Variants in NGF observed in about 807,000 individuals in gnomAD.
NGF encodes beta-nerve growth factor.
Under a neutral mutation model 12.8 loss-of-function variants are expected in NGF, and 4 were observed. The observed-to-expected ratio is 0.31, with a 90% confidence interval of 0.15 to 0.72. NGF has a LOEUF of 0.72. Ranked by LOEUF, NGF falls within the 30% of genes least tolerant of loss-of-function variation. The probability of loss-of-function intolerance (pLI) is 0.69; values close to 1 mark genes in which losing one functional copy is unlikely to be tolerated. For missense variants in NGF, 283 were observed against 330.8 expected (o/e 0.86, Z 1.12); for synonymous variants, 140 against 130.0 (o/e 1.08, Z -0.52).
rs776092330 is a variant in NGF at position 115,286,082 on chromosome 1, C to T, written c.714G>A (p.Val238=). 2 of 1,613,328 alleles carry T rather than the reference C, an allele frequency of 1.2e-6. No homozygotes were observed. Among genetic ancestry groups the T allele is most frequent in the South Asian group, 2.2e-5 (2 of 90,974 alleles). The change falls in exon 3 of 3, where the codon GTG becomes GTA. Residue 238 remains valine, a synonymous_variant. Coordinates refer to ENST00000369512, the MANE Select transcript of NGF (RefSeq NM_002506.3). The part of the protein sequence containing the change: ...ACVCVLSRKA[V]RRA Reference sequence around the variant, plus strand: ...GCGTGTCGGCAGGTCAGGCTCTTCTCACAGCCTTCCTGCTGAGCACACACA... The same window carrying T: ...GCGTGTCGGCAGGTCAGGCTCTTCTTACAGCCTTCCTGCTGAGCACACACA...
intron 1 of NGF, among the ~76,000 whole-genome samples, chr1:115,319,655 C>T (rs759013023): frequency 3.3e-5 from 5 of 152,212 alleles, no homozygotes; most frequent in Admixed American, 6.5e-5. Context: ...AGTATGAACT[C>T]TGACCCCTAC....
rs149054069 is a variant in NGF, at chr1:115,286,641, C to T, written c.155G>A (p.Arg52His). The stretch of plus-strand genomic sequence containing the variant: ...AGCTATCGCCGCTGCCGGGGCGCTG[C>T]GGGCTCTGCGAAGGGCAGTGTCAAG... Reference protein sequence around the residue: ...HSLDTALRRARSAPAAAIAAR... With the variant: ...HSLDTALRRAHSAPAAAIAAR... Residue 52 changes from arginine (R) to histidine (H), a missense_variant, in exon 3 of 3, where the codon CGC becomes CAC. Coordinates refer to ENST00000369512, the MANE Select transcript of NGF (RefSeq NM_002506.3). 12 of 1,614,096 alleles carry T rather than the reference C, an allele frequency of 7.4e-6. No homozygotes were observed. Among genetic ancestry groups the T allele is most frequent in the South Asian group, 4.4e-5 (4 of 91,090 alleles).
chr1:115,290,355 T>C (rs1297160611), intron 2 of NGF, among the ~76,000 whole-genome samples: 1 of 151,874 alleles, frequency 6.6e-6, no homozygotes, highest in Non-Finnish European at 1.5e-5. Context: ...GGGAGCTTTT[T>C]CTAATTCTGA....
At chr1:115,293,130 A>C (rs1653753809) in intron 2 of NGF, among the ~76,000 whole-genome samples, 1 of 152,172 alleles carries the variant, frequency 6.6e-6, no homozygotes, top group South Asian at 2.1e-4. Flanking sequence ...TAACAATGAG[A>C]AACCAGAGAT....
chr1:115,308,168 T>G (rs1654250087), intron 1 of NGF, among the ~76,000 whole-genome samples: 1 of 152,214 alleles, frequency 6.6e-6, no homozygotes, highest in Non-Finnish European at 1.5e-5. Context: ...CATCCATAAA[T>G]CTGGGATGCA....
At chr1:115,321,804 T>C (rs1229594245) in intron 1 of NGF, among the ~76,000 whole-genome samples, 2 of 152,164 alleles carry the variant, frequency 1.3e-5, no homozygotes, top group African/African-American at 4.8e-5. Context: ...GCTAAAGTCT[T>C]CCTTGTAATT....
At chr1:115,301,640 C>T (rs1198510128) in intron 1 of NGF, among the ~76,000 whole-genome samples, 1 of 152,226 alleles carries the variant, frequency 6.6e-6, no homozygotes, top group African/African-American at 2.4e-5. Context: ...CATGCACATG[C>T]TCAGTGGAAC....
At chr1:115,300,377 G>A (rs1007831954) in intron 1 of NGF, among the ~76,000 whole-genome samples, 1 of 152,156 alleles carries the variant, frequency 6.6e-6, no homozygotes, top group Admixed American at 6.5e-5. Context: ...GTAAGGATTC[G>A]AGTAAAATGC....
chr1:115,324,418 C>A (rs917485078), intron 1 of NGF, among the ~76,000 whole-genome samples: 1 of 152,144 alleles, frequency 6.6e-6, no homozygotes, highest in Non-Finnish European at 1.5e-5. Context: ...GATGAGCCAA[C>A]CTAGAGATTT....
At chr1:115,312,805 G>A (rs1319070629) in intron 1 of NGF, among the ~76,000 whole-genome samples, 3 of 152,190 alleles carry the variant, frequency 2.0e-5, no homozygotes, top group Admixed American at 6.5e-5. Flanking sequence ...ATCAAAAGGG[G>A]TTAGTAAAAA....
At position 115,301,086 on chromosome 1, in the gene NGF, C is replaced by T. The variant is rs774859177; in HGVS notation, c.-136-7336G>A. On this transcript the variant is annotated intron_variant, in intron 1 of 2. Transcript: ENST00000369512. ...TCATATAATTATATTTCAGAATATT[C>T]CCAGTCTTTTAGTGTTTCTTCTTTT... 1.3e-4 allele frequency among the ~76,000 whole-genome samples: 20 copies of T among 152,106 alleles called. 1 individual carries two copies. Among genetic ancestry groups the T allele is most frequent in the Non-Finnish European group, 1.5e-5 (1 of 68,016 alleles).
intron 1 of NGF, among the ~76,000 whole-genome samples, chr1:115,325,456 C>T (rs1654747197): frequency 6.6e-6 from 1 of 152,042 alleles, no homozygotes; most frequent in South Asian, 2.1e-4. Context: ...CCCCTGAAGC[C>T]TCCACCACCC....
At chr1:115,307,888 C>T (rs1375846313) in intron 1 of NGF, among the ~76,000 whole-genome samples, 1 of 152,188 alleles carries the variant, frequency 6.6e-6, no homozygotes, top group African/African-American at 2.4e-5. Flanking sequence ...GCCAGACTGT[C>T]TCTTAAAATA....
rs1011646643 is a variant in NGF at position 115,338,246 on chromosome 1, G to C, written c.-179C>G. ...GCTCCCAGCGCTCTCTGCTGTGCCG[G>C]AGCGCCGAGCTGCTCTCACACAGGC... On this transcript the variant is annotated 5_prime_UTR_variant, in exon 1 of 3. Coordinates refer to ENST00000369512, the MANE Select transcript of NGF (RefSeq NM_002506.3). 6.6e-6 allele frequency: 1 copy of C among 152,316 alleles called. No individual in the cohort carries two copies. The allele number at this position is 152,316 out of a possible 1,614,324, so 9.4% of individuals were successfully genotyped here. A position where few individuals can be genotyped will look rare whatever the true frequency, so the allele number is the denominator to read the frequency against.
chr1:115,329,732 T>TTTTC (rs1452479333), intron 1 of NGF, among the ~76,000 whole-genome samples: 64 of 150,126 alleles, frequency 4.3e-4, no homozygotes, highest in Non-Finnish European at 4.9e-4. Context: ...TTGTTTTCTT[T>TTTTC]TTTCTTTCTT....
rs551830538 is a variant in NGF, at chr1:115,322,219, G to C, written c.-137+15985C>G. Among the ~76,000 whole-genome samples the C allele has an allele frequency of 5.9e-5, 9 of 152,300 alleles. No homozygotes were observed. The South Asian group carries it at 1.9e-3, about 32-fold the overall frequency. On this transcript the variant is annotated intron_variant, in intron 1 of 2. Coordinates refer to ENST00000369512, the MANE Select transcript of NGF (RefSeq NM_002506.3). ...CTTTCTGGCAGGGCCCATGGCAAAA[G>C]CTAAGTCTGGGCGCCTTGCTCTTTG...
At chr1:115,300,097 G>C (rs1653990154) in intron 1 of NGF, among the ~76,000 whole-genome samples, 1 of 152,218 alleles carries the variant, frequency 6.6e-6, no homozygotes, top group African/African-American at 2.4e-5. Flanking sequence ...TTATAGGATT[G>C]AATGTCCTCG....
At chr1:115,292,797 A>G (rs1303033781) in intron 2 of NGF, among the ~76,000 whole-genome samples, 2 of 152,182 alleles carry the variant, frequency 1.3e-5, no homozygotes, top group Admixed American at 1.3e-4. Context: ...ATATTAGGGA[A>G]TATTTAGATA....
intron 1 of NGF, among the ~76,000 whole-genome samples, chr1:115,315,038 G>C (rs1272719541): frequency 1.3e-5 from 2 of 152,214 alleles, no homozygotes; most frequent in Non-Finnish European, 2.9e-5. Context: ...TGGATGGCCA[G>C]TGTGAGGTCC....
Sources: allele counts gnomAD v4.1 joint callset (sites outside exome capture counted in the v4.1 genomes callset), GRCh38; gene constraint gnomAD v4.1.1; transcripts MANE v1.5; gene names NCBI Gene and HGNC (gene_info 2026-07-23, HGNC 2026-07-21).